PRKN: variants seen among roughly 807,000 people sequenced by gnomAD.
PRKN encodes the protein parkin RBR E3 ubiquitin protein ligase, also known as E3 ubiquitin-protein ligase parkin.
In PRKN, 56 loss-of-function variants were observed where a neutral mutation model predicts 59.5. The ratio of observed to expected loss-of-function variants is 0.94; its 90% CI spans 0.76 to 1.18. The LOEUF is 1.18. Ranked by LOEUF, PRKN falls within the 50% of genes most tolerant of loss-of-function variation. The pLI is 0.00. For synonymous variants in PRKN, 250 were observed against 222.1 expected (o/e 1.13, Z -1.12); for missense variants, 657 against 596.4 (o/e 1.10, Z -1.06).
chr6:162,206,155 G>C (rs980354732), intron 3 of PRKN, among the ~76,000 whole-genome samples: 1 of 152,086 alleles, frequency 6.6e-6, no homozygotes, highest in African/African-American at 2.4e-5. Context: ...CTACACCAAG[G>C]GGATCTGTTC....
At position 162,028,943 on chromosome 6, in the gene PRKN, G is replaced by A. The variant is rs369940336; in HGVS notation, c.618+25148C>T. 5.7e-4 allele frequency among the ~76,000 whole-genome samples: 87 copies of A among 152,314 alleles called. 1 individual carries two copies. In the South Asian group the frequency reaches 0.013, roughly 24 times the overall value. On this transcript the variant is annotated intron_variant, in intron 5 of 11. Transcript: ENST00000366898. ...GCACATTTCCTGAGCTCTTTGGAGA[G>A]TCCCATAAATTATTACTGTGGTGAT...
intron 6 of PRKN, among the ~76,000 whole-genome samples, chr6:161,894,038 G>A (rs1243498145): frequency 3.9e-5 from 6 of 152,154 alleles, no homozygotes; most frequent in Admixed American, 6.5e-5. Context: ...TAAGTTCTAT[G>A]TGCTATAAAT....
chr6:161,565,429 T>G (rs1254317377), intron 8 of PRKN, among the ~76,000 whole-genome samples: 1 of 152,104 alleles, frequency 6.6e-6, no homozygotes, highest in Non-Finnish European at 1.5e-5. Flanking sequence ...ATCCCCATAA[T>G]GCCCACACGT....
At chr6:161,512,757 T>C (rs556006456) in intron 9 of PRKN, among the ~76,000 whole-genome samples, 1 of 152,216 alleles carries the variant, frequency 6.6e-6, no homozygotes, top group Non-Finnish European at 1.5e-5. Context: ...CAAGTGCCCC[T>C]GACTCTTACT....
intron 6 of PRKN, among the ~76,000 whole-genome samples, chr6:161,806,475 G>T (rs1003079935): frequency 6.6e-6 from 1 of 152,120 alleles, no homozygotes; most frequent in Non-Finnish European, 1.5e-5. Flanking sequence ...AGACTTACAA[G>T]CCAGACTTGC....
rs1427982900 is a variant in PRKN at position 161,354,870 on chromosome 6, A to G, written c.1286-4659T>C. Among the ~76,000 whole-genome samples the G allele has an allele frequency of 2.0e-5, 3 of 152,244 alleles. No individual in the cohort carries two copies. The highest frequency in any genetic ancestry group is 1.9e-4 in the East Asian group (1 of 5,194). On this transcript the variant is annotated intron_variant, in intron 11 of 11. Coordinates refer to ENST00000366898, the MANE Select transcript of PRKN (RefSeq NM_004562.3). The surrounding 1 kb of genome is among the most constrained non-coding windows in gnomAD (Gnocchi z 6.7). ...GTGCTTTCATTTATAGTACATCACA[A>G]TATTTCCAAGAAATAGCCCGACAGG...
At chr6:162,017,371 G>A (rs1782969248) in intron 5 of PRKN, among the ~76,000 whole-genome samples, 1 of 152,170 alleles carries the variant, frequency 6.6e-6, no homozygotes, top group Non-Finnish European at 1.5e-5. Flanking sequence ...TAGAAACTAT[G>A]AGGGTTAAAT....
chr6:162,385,302 G>A (rs1394828349), intron 2 of PRKN, among the ~76,000 whole-genome samples: 1 of 151,934 alleles, frequency 6.6e-6, no homozygotes, highest in Non-Finnish European at 1.5e-5. Flanking sequence ...CGCCCAACAT[G>A]GTATAAAGCA....
At chr6:161,590,379 G>A (rs2128140634) in intron 7 of PRKN, among the ~76,000 whole-genome samples, 1 of 151,966 alleles carries the variant, frequency 6.6e-6, no homozygotes, top group South Asian at 2.1e-4. Flanking sequence ...GGGTGGATCA[G>A]TTGAGGTCGG....
At chr6:161,908,748 A>C (rs1185544280) in intron 6 of PRKN, among the ~76,000 whole-genome samples, 1 of 152,064 alleles carries the variant, frequency 6.6e-6, no homozygotes, top group Non-Finnish European at 1.5e-5. Context: ...TTAATCTATT[A>C]ATTATTTAAA....
chr6:162,537,183 A>C (rs1263458489), intron 1 of PRKN, among the ~76,000 whole-genome samples: 2 of 152,124 alleles, frequency 1.3e-5, no homozygotes, highest in Non-Finnish European at 2.9e-5. Flanking sequence ...AGCTTTCAAA[A>C]CTATTAAACA....
chr6:161,514,567 G>C (rs1015075404), intron 9 of PRKN, among the ~76,000 whole-genome samples: 6 of 152,140 alleles, frequency 3.9e-5, no homozygotes, highest in Non-Finnish European at 8.8e-5. Flanking sequence ...GCAAGAGAGG[G>C]TTAAGGATCT....
rs367630170 is a variant in PRKN, at chr6:161,661,053, C to T, written c.872-91637G>A. The stretch of plus-strand genomic sequence containing the variant: ...GGCTTCTCACTGACCTCAGCACGCC[C>T]ACTGCTGGTGGAAACCTCCATCATC... On this transcript the variant is annotated intron_variant, in intron 7 of 11. Transcript: ENST00000366898. Among the ~76,000 whole-genome samples the T allele has an allele frequency of 5.9e-5, 9 of 152,258 alleles. No homozygotes were observed. The East Asian group carries it at 1.2e-3, about 20-fold the overall frequency.
chr6:161,687,615 C>G (rs1349700306), intron 7 of PRKN, among the ~76,000 whole-genome samples: 1 of 150,636 alleles, frequency 6.6e-6, no homozygotes, highest in Non-Finnish European at 1.5e-5. Flanking sequence ...AACCACCACG[C>G]CCGGCTAATT....
chr6:162,063,316 G>A (rs1236941113), intron 4 of PRKN, among the ~76,000 whole-genome samples: 1 of 152,066 alleles, frequency 6.6e-6, no homozygotes, highest in Non-Finnish European at 1.5e-5. Context: ...CCTTGAACAG[G>A]CTATTCACAA....
intron 1 of PRKN, among the ~76,000 whole-genome samples, chr6:162,634,186 G>T (rs961254597): frequency 1.3e-5 from 2 of 152,124 alleles, no homozygotes; most frequent in African/African-American, 4.8e-5. Context: ...CTGCAGGTGT[G>T]GACATCTACC....
Position 162,302,615 on chromosome 6 carries a change from G to A in PRKN, c.172-39850C>T, listed in dbSNP as rs1376054763. Reference sequence around the variant, plus strand: ...AATTCTGCCACAGCTACCTGAGCTTGGAGAATGACCCCAAGCTCCTAATGA... The same window carrying A: ...AATTCTGCCACAGCTACCTGAGCTTAGAGAATGACCCCAAGCTCCTAATGA... On this transcript the variant is annotated intron_variant, in intron 2 of 11. Coordinates refer to ENST00000366898, the MANE Select transcript of PRKN (RefSeq NM_004562.3). Among the ~76,000 whole-genome samples the A allele has an allele frequency of 3.3e-5, 5 of 152,016 alleles. 1 individual carries two copies. The highest frequency in any genetic ancestry group is 1.2e-4 in the African/African-American group (5 of 41,350).
At position 161,581,484 on chromosome 6, in the gene PRKN, TG is replaced by T. The variant is rs1320524817; in HGVS notation, c.872-12069del. Among the ~76,000 whole-genome samples the T allele has an allele frequency of 2.0e-5, 3 of 152,150 alleles. No individual in the cohort carries two copies. The highest frequency in any genetic ancestry group is 7.2e-5 in the African/African-American group (3 of 41,434). ...GAGAAGTGTTGAGAGAGAAGAGGCC[TG>T]GAATCTAAAAACACAGATAATGTGC... On this transcript the variant is annotated intron_variant, in intron 7 of 11. Transcript: ENST00000366898. The surrounding 1 kb of genome is among the most constrained non-coding windows in gnomAD (Gnocchi z 4.5).
chr6:161,716,040 G>A lies in PRKN; in HGVS notation c.871+69732C>T, dbSNP rs765916022. The A allele has an allele frequency of 6.6e-6, 8 of 1,220,340 alleles. No individual in the cohort carries two copies. In the African/African-American group the frequency reaches 6.8e-5, roughly 10 times the overall value. The allele number at this position is 1,220,340 out of a possible 1,614,324, so 75.6% of individuals were successfully genotyped here. On this transcript the variant is annotated intron_variant, in intron 7 of 11. Coordinates refer to ENST00000366898, the MANE Select transcript of PRKN (RefSeq NM_004562.3). ...TCTGGGGAATTGGATCTGGTTTAGC[G>A]ACACAGCCACCATGCTGTGCTGGGC...
Sources: allele counts gnomAD v4.1 joint callset (sites outside exome capture counted in the v4.1 genomes callset), GRCh38; gene constraint gnomAD v4.1.1; non-coding constraint Gnocchi (gnomAD v3.1); transcripts MANE v1.5; gene names NCBI Gene and HGNC (gene_info 2026-07-23, HGNC 2026-07-21).